The following ARSB variants were observed in gnomAD, a reference collection of about 807,000 sequenced individuals.
ARSB encodes arylsulfatase B.
ARSB carries 41 observed loss-of-function variants against 50.9 expected under a neutral mutation model. The observed-to-expected ratio is 0.81, with a 90% confidence interval of 0.63 to 1.04. The LOEUF (loss-of-function observed/expected upper bound fraction) is 1.04, where lower values mean the gene tolerates loss of function less well. ARSB is among the 50% of genes least tolerant of loss of function. The pLI is 0.00. For missense variants in ARSB, 672 were observed against 693.3 expected, an observed-to-expected ratio of 0.97 and a Z score of 0.35; for synonymous variants, 269 against 284.8, an observed-to-expected ratio of 0.94 and a Z score of 0.56.
chr5:78,878,182 T>C lies in ARSB; in HGVS notation c.1142+7402A>G, dbSNP rs1747577745. 3.3e-5 allele frequency among the ~76,000 whole-genome samples: 5 copies of C among 152,210 alleles called. No homozygotes were observed. In the South Asian group the frequency reaches 1.0e-3, roughly 32 times the overall value. ...AATATGTACATTGTTGCCAGATTAA[T>C]TTACAGGCTTAATCTCACTCAGTAT... On this transcript the variant is annotated intron_variant, in intron 5 of 7. Transcript: ENST00000264914.
chr5:78,808,266 C>T lies in ARSB; in HGVS notation c.1214-26292G>A, dbSNP rs148248982. ...TCCCCATATTATTTCCAAGCAAATT[C>T]CAACCATCATATTTCATCGGTAAAT... On this transcript the variant is annotated intron_variant, in intron 6 of 7. Transcript: ENST00000264914. Among the ~76,000 whole-genome samples the T allele has an allele frequency of 7.5e-3, 1,123 of 150,334 alleles. 12 individuals are homozygous for T. The highest frequency in any genetic ancestry group is 0.014 in the Middle Eastern group (4 of 294).
chr5:78,944,042 T>C lies in ARSB; in HGVS notation c.898+11253A>G, dbSNP rs1466638422. Among the ~76,000 whole-genome samples the C allele has an allele frequency of 2.0e-5, 3 of 152,264 alleles. No homozygotes were observed. In the East Asian group the frequency reaches 5.8e-4, roughly 29 times the overall value. On this transcript the variant is annotated intron_variant, in intron 4 of 7. Transcript: ENST00000264914. ...TTACATTCATTTGATCTTGAATCACTGATACCCTTTCTTCCAGTTGATCAA... is the reference window on the plus strand; with the variant it reads ...TTACATTCATTTGATCTTGAATCACCGATACCCTTTCTTCCAGTTGATCAA...
intron 1 of ARSB, among the ~76,000 whole-genome samples, chr5:78,974,342 T>C (rs2112547040): frequency 6.6e-6 from 1 of 152,332 alleles, no homozygotes; most frequent in South Asian, 2.1e-4. Flanking sequence ...TTGGTGTTGA[T>C]TAGTGAAGAG....
chr5:78,942,018 T>C (rs1035807588), intron 4 of ARSB, among the ~76,000 whole-genome samples: 1 of 152,208 alleles, frequency 6.6e-6, no homozygotes, highest in African/African-American at 2.4e-5. Flanking sequence ...TGGGAGGGTG[T>C]ATGTATCCAG....
chr5:78,851,151 T>C (rs1745754481), intron 5 of ARSB, among the ~76,000 whole-genome samples: 1 of 152,204 alleles, frequency 6.6e-6, no homozygotes, highest in South Asian at 2.1e-4. Flanking sequence ...ATTGTGATGT[T>C]AGGGTGTCAA....
chr5:78,779,284 A>G lies in ARSB; in HGVS notation c.*1113T>C, dbSNP rs1004849064. The G allele has an allele frequency of 6.6e-6, 1 of 152,154 alleles. No individual in the cohort carries two copies. Among genetic ancestry groups the G allele is most frequent in the African/African-American group, 2.4e-5 (1 of 41,438 alleles). 9.4% of individuals were successfully genotyped at this position (152,154 alleles called of 1,614,324 possible). ...CTCAAAACAAGCAGTAAAACAGAGA[A>G]TAAGAGGACTGTGGGTGTGCCCTCC... On this transcript the variant is annotated 3_prime_UTR_variant, in exon 8 of 8. Coordinates refer to ENST00000264914, the MANE Select transcript of ARSB (RefSeq NM_000046.5).
intron 5 of ARSB, among the ~76,000 whole-genome samples, chr5:78,844,229 T>C (rs1389355627): frequency 2.0e-5 from 3 of 152,224 alleles, no homozygotes; most frequent in Non-Finnish European, 2.9e-5. Context: ...TTTTTGAATG[T>C]AGCCATTCTA....
intron 5 of ARSB, among the ~76,000 whole-genome samples, chr5:78,877,891 A>G (rs1747561594): frequency 1.3e-5 from 2 of 152,234 alleles, no homozygotes; most frequent in Non-Finnish European, 2.9e-5. Flanking sequence ...ACTGTATTCT[A>G]TATGTTCAGG....
intron 6 of ARSB, among the ~76,000 whole-genome samples, chr5:78,832,130 G>A (rs770703629): frequency 9.2e-5 from 14 of 152,042 alleles, no homozygotes; most frequent in African/African-American, 1.4e-4. Flanking sequence ...AGAGCTCACC[G>A]TCCTGGGAAG....
At chr5:78,915,011 A>T (rs1376554570) in intron 4 of ARSB, among the ~76,000 whole-genome samples, 1 of 152,146 alleles carries the variant, frequency 6.6e-6, no homozygotes, top group Non-Finnish European at 1.5e-5. Context: ...TTTTTCTAGT[A>T]ATTTGCCAGG....
At chr5:78,972,796 G>A (rs1256446926) in intron 1 of ARSB, among the ~76,000 whole-genome samples, 1 of 152,210 alleles carries the variant, frequency 6.6e-6, no homozygotes, top group Non-Finnish European at 1.5e-5. Flanking sequence ...GCCAAGAGAT[G>A]TTGTGTGATT....
At chr5:78,896,058 A>G (rs1748545570) in intron 4 of ARSB, among the ~76,000 whole-genome samples, 1 of 152,172 alleles carries the variant, frequency 6.6e-6, no homozygotes, top group Admixed American at 6.5e-5. Context: ...TGCCCAGTAT[A>G]GTGTGGCAGC....
At chr5:78,836,850 G>A (rs182136598) in intron 6 of ARSB, among the ~76,000 whole-genome samples, 1 of 152,276 alleles carries the variant, frequency 6.6e-6, no homozygotes, top group Admixed American at 6.5e-5. Flanking sequence ...AATCATGGCT[G>A]GGGAGGCCTC....
chr5:78,814,961 G>A (rs1743936965), intron 6 of ARSB, among the ~76,000 whole-genome samples: 1 of 150,272 alleles, frequency 6.7e-6, no homozygotes, highest in Non-Finnish European at 1.5e-5. Context: ...AATAGAATGG[G>A]TACCAAGAAG....
chr5:78,906,104 G>A (rs534426568), intron 4 of ARSB, among the ~76,000 whole-genome samples: 1 of 151,716 alleles, frequency 6.6e-6, no homozygotes, highest in African/African-American at 2.4e-5. Context: ...AAACAGTCTG[G>A]ACACTGTGGC....
chr5:78,792,378 CAAAA>C (rs1178658652), intron 6 of ARSB, among the ~76,000 whole-genome samples: 2 of 105,534 alleles, frequency 1.9e-5, no homozygotes, highest in Non-Finnish European at 2.0e-5. Flanking sequence ...GAATCTGTCG[CAAAA>C]AAAAAAAAAA....
chr5:78,790,305 G>T (rs188024498), intron 6 of ARSB, among the ~76,000 whole-genome samples: 1 of 152,224 alleles, frequency 6.6e-6, no homozygotes, highest in Admixed American at 6.5e-5. Flanking sequence ...TGTGATCTTG[G>T]TGTTAGCTGG....
At chr5:78,903,138 G>A (rs892049454) in intron 4 of ARSB, among the ~76,000 whole-genome samples, 5 of 152,186 alleles carry the variant, frequency 3.3e-5, no homozygotes, top group African/African-American at 1.2e-4. Context: ...AAATGATGAT[G>A]TAACTTCAGA....
At chr5:78,948,806 T>G (rs539235907) in intron 4 of ARSB, among the ~76,000 whole-genome samples, 5 of 152,312 alleles carry the variant, frequency 3.3e-5, no homozygotes, top group Admixed American at 3.3e-4. Flanking sequence ...ATACATTCCT[T>G]GTAAGGTAAA....
Sources: allele counts gnomAD v4.1 joint callset (sites outside exome capture counted in the v4.1 genomes callset), GRCh38; gene constraint gnomAD v4.1.1; transcripts MANE v1.5; gene names NCBI Gene and HGNC (gene_info 2026-07-23, HGNC 2026-07-21).